The following KIRREL3 variants were observed in gnomAD, a reference collection of about 807,000 sequenced individuals.
The protein encoded by KIRREL3 is kirre like nephrin family adhesion molecule 3.
Under a neutral mutation model 89.7 loss-of-function variants are expected in KIRREL3, and 36 were observed. The observed-to-expected ratio is 0.40, with a 90% CI of 0.31 to 0.53. KIRREL3 has a LOEUF of 0.53. KIRREL3 is among the 20% of genes least tolerant of loss of function. The pLI is 0.49. For missense variants in KIRREL3, 864 were observed against 1,056.6 expected (o/e 0.82, Z 2.53); for synonymous variants, 445 against 441.4 (o/e 1.01, Z -0.10).
rs1212052892 is a variant in KIRREL3, at chr11:126,495,468, C to T, written c.434-22002G>A. The stretch of plus-strand genomic sequence containing the variant: ...CTCGACTGTCTGTGTTCCTCGTCTC[C>T]GCTCATCCTTGCTGGCCGGGTTTCT... On this transcript the variant is annotated intron_variant, in intron 4 of 16. Coordinates refer to ENST00000525144, the MANE Select transcript of KIRREL3 (RefSeq NM_032531.4). This position sits in a 1 kb window ranked among gnomAD's most constrained non-coding sequence, Gnocchi z 6.5. Among the ~76,000 whole-genome samples, 2 of 152,286 alleles carry T rather than the reference C, an allele frequency of 1.3e-5. No homozygotes were observed. The highest frequency in any genetic ancestry group is 2.9e-5 in the Non-Finnish European group (2 of 68,030).
chr11:126,945,353 A>T (rs1948589939), intron 1 of KIRREL3, among the ~76,000 whole-genome samples: 6 of 152,088 alleles, frequency 3.9e-5, no homozygotes, highest in Admixed American at 3.9e-4. Context: ...GAGGTGGGAG[A>T]ATGCCAGAGA....
intron 10 of KIRREL3, among the ~76,000 whole-genome samples, chr11:126,444,275 C>A (rs186809162): frequency 2.3e-4 from 35 of 152,290 alleles, no homozygotes; most frequent in African/African-American, 8.2e-4. Context: ...TGACAGGGCT[C>A]CCTGGCTGGG....
chr11:126,674,488 G>C (rs1946098835), intron 1 of KIRREL3, among the ~76,000 whole-genome samples: 1 of 152,208 alleles, frequency 6.6e-6, no homozygotes, highest in African/African-American at 2.4e-5. Context: ...CAGTCAGATA[G>C]AGCATCCAAC....
At chr11:126,649,307 A>G (rs947973094) in intron 1 of KIRREL3, among the ~76,000 whole-genome samples, 31 of 152,168 alleles carry the variant, frequency 2.0e-4, no homozygotes, top group African/African-American at 7.2e-4. Flanking sequence ...TTCAAAACCT[A>G]TCAGGCCTTC....
intron 1 of KIRREL3, among the ~76,000 whole-genome samples, chr11:126,859,590 C>A (rs766997653): frequency 7.2e-5 from 11 of 152,112 alleles, no homozygotes; most frequent in Non-Finnish European, 1.3e-4. Flanking sequence ...ATGAGAGAAG[C>A]CACACACATA....
intron 1 of KIRREL3, among the ~76,000 whole-genome samples, chr11:126,881,233 A>G (rs1207847351): frequency 6.6e-6 from 1 of 152,114 alleles, no homozygotes; most frequent in Non-Finnish European, 1.5e-5. Context: ...AATCGGCTGA[A>G]CTTTGCATGC....
intron 4 of KIRREL3, among the ~76,000 whole-genome samples, chr11:126,488,778 C>G (rs1033912721): frequency 3.3e-5 from 5 of 152,220 alleles, no homozygotes; most frequent in African/African-American, 1.2e-4. Context: ...TACCTGTTCC[C>G]CACAGGGGAT....
chr11:126,849,594 C>G (rs1007521828), intron 1 of KIRREL3, among the ~76,000 whole-genome samples: 12 of 152,262 alleles, frequency 7.9e-5, no homozygotes, highest in African/African-American at 2.9e-4. Context: ...TTCTCCTGTC[C>G]CTGCTGACCG....
At chr11:126,841,545 A>G (rs1321250467) in intron 1 of KIRREL3, among the ~76,000 whole-genome samples, 2 of 152,260 alleles carry the variant, frequency 1.3e-5, no homozygotes, top group African/African-American at 4.8e-5. Flanking sequence ...ATTCGTTTAC[A>G]GGTTAGTCTG....
chr11:126,425,724 T>C lies in KIRREL3; in HGVS notation c.1807A>G (p.Met603Val). ...TCTTGCTGGAATTCACCCCGGTCCA[T>C]CTGCAACCCAAAAAAGGCTGCTCAG... The part of the protein sequence containing the change: ...EEHSTIKQLM[M>V]DRGEFQQDSV... Residue 603 changes from methionine to valine, a missense_variant and splice_region_variant, in exon 16 of 17, where the codon ATG (methionine) becomes GTG (valine). Transcript: ENST00000525144. The C allele has an allele frequency of 6.3e-7, 1 of 1,592,628 alleles. No homozygotes were observed.
intron 1 of KIRREL3, among the ~76,000 whole-genome samples, chr11:126,630,458 C>T (rs927514021): frequency 2.7e-5 from 4 of 147,022 alleles, no homozygotes; most frequent in Non-Finnish European, 4.6e-5. Flanking sequence ...TGTTCCTTGC[C>T]CCTTTTGCTA....
intron 1 of KIRREL3, among the ~76,000 whole-genome samples, chr11:126,949,057 T>C (rs1410586876): frequency 1.3e-5 from 2 of 152,256 alleles, no homozygotes; most frequent in Non-Finnish European, 2.9e-5. Context: ...TGATTTTTAA[T>C]TTGCTTAAAT....
At chr11:126,674,201 C>T (rs1460106118) in intron 1 of KIRREL3, among the ~76,000 whole-genome samples, 3 of 152,204 alleles carry the variant, frequency 2.0e-5, no homozygotes, top group Non-Finnish European at 4.4e-5. Flanking sequence ...AATTCTGTTG[C>T]TTGGAAGAGA....
rs1944053045 is a variant in KIRREL3, at chr11:126,844,057, C to T, written c.55+156398G>A. On this transcript the variant is annotated intron_variant, in intron 1 of 16. Coordinates refer to ENST00000525144, the MANE Select transcript of KIRREL3 (RefSeq NM_032531.4). The surrounding 1 kb of genome is among the most constrained non-coding windows in gnomAD (Gnocchi z 4.8). The stretch of plus-strand genomic sequence containing the variant: ...CTTTCACTTTATGCTCTGGACTCGC[C>T]CTGAATTCTTTCTTGTACGAGATCC... Among the ~76,000 whole-genome samples the T allele has an allele frequency of 6.6e-6, 1 of 152,152 alleles. No homozygotes were observed. The highest frequency in any genetic ancestry group is 1.5e-5 in the Non-Finnish European group (1 of 68,030).
chr11:126,507,664 G>C (rs1958070538), intron 4 of KIRREL3, among the ~76,000 whole-genome samples: 1 of 152,228 alleles, frequency 6.6e-6, no homozygotes, highest in African/African-American at 2.4e-5. Flanking sequence ...GATGCTGAAA[G>C]ATGAAATGAA....
intron 1 of KIRREL3, among the ~76,000 whole-genome samples, chr11:126,765,758 C>T (rs979997559): frequency 6.6e-6 from 1 of 152,164 alleles, no homozygotes; most frequent in Non-Finnish European, 1.5e-5. Context: ...TAACTCACTC[C>T]TCAGGCGGAT....
rs1029046902 is a variant in KIRREL3 at position 126,812,920 on chromosome 11, T to C, written c.55+187535A>G. 1.3e-5 allele frequency among the ~76,000 whole-genome samples: 2 copies of C among 152,152 alleles called. No individual in the cohort carries two copies. Among genetic ancestry groups the C allele is most frequent in the African/African-American group, 4.8e-5 (2 of 41,406 alleles). ...CTGTGACCGGGAAGCTGGGCTCTCATTGGAGGTTGTTGGGCTGCAGTTCAC... is the reference window on the plus strand; with the variant it reads ...CTGTGACCGGGAAGCTGGGCTCTCACTGGAGGTTGTTGGGCTGCAGTTCAC... On this transcript the variant is annotated intron_variant, in intron 1 of 16. Coordinates refer to ENST00000525144, the MANE Select transcript of KIRREL3 (RefSeq NM_032531.4). The surrounding 1 kb of genome is among the most constrained non-coding windows in gnomAD (Gnocchi z 5.2).
chr11:126,702,609 C>CA (rs1370733095), intron 1 of KIRREL3, among the ~76,000 whole-genome samples: 2 of 152,212 alleles, frequency 1.3e-5, no homozygotes, highest in African/African-American at 2.4e-5. Flanking sequence ...CAAAGCACAG[C>CA]AAAACAAAAC....
intron 1 of KIRREL3, among the ~76,000 whole-genome samples, chr11:126,672,810 C>G (rs907141525): frequency 1.3e-5 from 2 of 152,152 alleles, no homozygotes; most frequent in Non-Finnish European, 2.9e-5. Flanking sequence ...GAGTTCCTCC[C>G]TTACTTGTTA....
Sources: gnomAD v4.1 joint callset for allele counts (sites outside exome capture counted in the v4.1 genomes callset) on GRCh38, gnomAD v4.1.1 for gene constraint, Gnocchi (gnomAD v3.1) non-coding constraint, MANE v1.5 for transcripts, NCBI Gene and HGNC (gene_info 2026-07-23, HGNC 2026-07-21) for gene names.